Variants in PTPRD observed in about 807,000 individuals in gnomAD.
PTPRD encodes receptor-type tyrosine-protein phosphatase delta.
PTPRD carries 34 observed loss-of-function variants against 214.5 expected under a neutral mutation model. The observed-to-expected ratio is 0.16, with a 90% CI of 0.12 to 0.21. The LOEUF (loss-of-function observed/expected upper bound fraction) is 0.21. Ranked by LOEUF, PTPRD falls within the 10% of genes least tolerant of loss-of-function variation. PTPRD has a pLI of 1.00. For synonymous variants in PTPRD, 1,128 were observed against 845.7 expected (o/e 1.33, Z -5.79); for missense variants, 2,545 against 2,398.7 (o/e 1.06, Z -1.27).
intron 13 of PTPRD, among the ~76,000 whole-genome samples, chr9:8,634,426 A>G (rs1206789960): frequency 1.3e-5 from 2 of 152,002 alleles, no homozygotes; most frequent in Non-Finnish European, 1.5e-5. Flanking sequence ...CCTCATATAT[A>G]TATTTATGGG....
intron 5 of PTPRD, among the ~76,000 whole-genome samples, chr9:9,826,394 A>AT (rs201842090): frequency 1.3e-5 from 2 of 151,892 alleles, no homozygotes; most frequent in African/African-American, 4.8e-5. Flanking sequence ...CCTTTCAATT[A>AT]TTTAAAAAAA....
chr9:9,881,629 C>T (rs10115439), intron 5 of PTPRD, among the ~76,000 whole-genome samples: 13,248 of 152,062 alleles, frequency 0.087, 1,395 homozygotes, highest in African/African-American at 0.25. Context: ...GGGGGCATAG[C>T]AAAGAGCTGG....
chr9:9,865,770 G>C (rs1293814488), intron 5 of PTPRD, among the ~76,000 whole-genome samples: 2 of 152,122 alleles, frequency 1.3e-5, no homozygotes, highest in African/African-American at 4.8e-5. Flanking sequence ...GCTATCTTGG[G>C]TATTTATTAT....
intron 9 of PTPRD, among the ~76,000 whole-genome samples, chr9:9,207,619 G>T (rs1299170454): frequency 2.1e-4 from 32 of 152,102 alleles, no homozygotes. Flanking sequence ...ATGAAAAATG[G>T]TGCAATTACT....
intron 3 of PTPRD, among the ~76,000 whole-genome samples, chr9:10,185,007 C>T (rs2099322706): frequency 6.6e-6 from 1 of 152,094 alleles, no homozygotes; most frequent in Non-Finnish European, 1.5e-5. Context: ...TGTAAAAAAT[C>T]AGACACTCTA....
chr9:10,466,759 G>C (rs866418760), intron 2 of PTPRD, among the ~76,000 whole-genome samples: 5 of 151,710 alleles, frequency 3.3e-5, no homozygotes, highest in African/African-American at 1.2e-4. Flanking sequence ...TTTAAAAAAT[G>C]GTAAAGTAAG....
intron 12 of PTPRD, among the ~76,000 whole-genome samples, chr9:8,651,561 C>CT (rs1357831673): frequency 6.6e-6 from 1 of 152,134 alleles, no homozygotes; most frequent in African/African-American, 2.4e-5. Flanking sequence ...AGTTCTTTTG[C>CT]TTTTTTTCCT....
At chr9:8,866,768 A>G (rs977913117) in intron 11 of PTPRD, among the ~76,000 whole-genome samples, 3 of 103,402 alleles carry the variant, frequency 2.9e-5, no homozygotes, top group Admixed American at 2.3e-4. Context: ...GTTAAGAATC[A>G]TCTCATCAAG....
chr9:8,798,112 T>C (rs2096486289), intron 11 of PTPRD, among the ~76,000 whole-genome samples: 1 of 152,192 alleles, frequency 6.6e-6, no homozygotes. Flanking sequence ...CCTTTTTTAC[T>C]TCATTATATG....
chr9:9,019,292 GA>G (rs778773558), intron 10 of PTPRD, among the ~76,000 whole-genome samples: 1 of 32,582 alleles, frequency 3.1e-5, no homozygotes, highest in Non-Finnish European at 7.2e-5. Context: ...AAGAAAGAAA[GA>G]AAGAAAGAAA....
chr9:10,435,674 T>C (rs1397297295), intron 2 of PTPRD, among the ~76,000 whole-genome samples: 1 of 151,912 alleles, frequency 6.6e-6, no homozygotes, highest in Non-Finnish European at 1.5e-5. Context: ...GAAAAATGAA[T>C]ATCTGGATGA....
At position 8,485,997 on chromosome 9, in the gene PTPRD, T is replaced by C. The variant is rs749578078; in HGVS notation, c.2820A>G (p.Gln940=). ...CATTTCTCTCTGCCAGGACAGGTGG[T>C]TGCCAAGATAACTGGACGGAGGTTG... ...TTSTSVQLSW[Q]PPVLAERNGI... Residue 940 remains glutamine (Q), a synonymous_variant, in exon 28 of 46, where the codon CAA becomes CAG. Transcript: ENST00000381196. 7 of 1,614,064 alleles carry C rather than the reference T, an allele frequency of 4.3e-6. No individual in the cohort carries two copies. The South Asian group carries it at 7.7e-5, about 18-fold the overall frequency.
chr9:8,583,386 A>G (rs1225280855), intron 14 of PTPRD, among the ~76,000 whole-genome samples: 1 of 152,156 alleles, frequency 6.6e-6, no homozygotes, highest in Non-Finnish European at 1.5e-5. Context: ...GCATGTTGCC[A>G]TGTTGCCAGG....
At position 10,344,543 on chromosome 9, in the gene PTPRD, G is replaced by T. The variant is rs538132156; in HGVS notation, c.-599-3526C>A. On this transcript the variant is annotated intron_variant, in intron 2 of 45. Transcript: ENST00000381196. ...TTTTTGGTTTCATACAAACTTTAAA[G>T]TAGTTTTTTTCCAATTCTGTGAAGA... 2.6e-4 allele frequency among the ~76,000 whole-genome samples: 40 copies of T among 152,302 alleles called. 1 individual carries two copies. The highest frequency in any genetic ancestry group is 5.4e-4 in the Non-Finnish European group (37 of 68,024).
intron 11 of PTPRD, among the ~76,000 whole-genome samples, chr9:8,776,804 ATATATG>A (rs1279703896): frequency 6.8e-6 from 1 of 147,426 alleles, no homozygotes; most frequent in Non-Finnish European, 1.5e-5. Flanking sequence ...TATATATATT[ATATATG>A]TATAATATAT....
At chr9:10,219,926 C>A (rs2099559476) in intron 3 of PTPRD, among the ~76,000 whole-genome samples, 1 of 151,690 alleles carries the variant, frequency 6.6e-6, no homozygotes, top group Non-Finnish European at 1.5e-5. Flanking sequence ...AAAAGAGCTA[C>A]ATTGTTATAT....
intron 10 of PTPRD, among the ~76,000 whole-genome samples, chr9:9,049,728 C>T (rs2099681021): frequency 6.6e-6 from 1 of 152,108 alleles, no homozygotes. Flanking sequence ...AGTAGGAGAA[C>T]ATCTAATAAT....
intron 10 of PTPRD, among the ~76,000 whole-genome samples, chr9:9,129,111 C>T (rs189169769): frequency 4.2e-4 from 64 of 152,316 alleles, no homozygotes; most frequent in South Asian, 1.0e-3. Context: ...CGAATTAGGC[C>T]GGGCGCAGTG....
chr9:10,458,826 T>C (rs1292455346), intron 2 of PTPRD, among the ~76,000 whole-genome samples: 1 of 152,140 alleles, frequency 6.6e-6, no homozygotes, highest in Non-Finnish European at 1.5e-5. Context: ...AATAAATGAA[T>C]TCAATAAAGT....
Sources: gnomAD v4.1 joint callset for allele counts (sites outside exome capture counted in the v4.1 genomes callset) on GRCh38, gnomAD v4.1.1 for gene constraint, MANE v1.5 for transcripts, NCBI Gene and HGNC (gene_info 2026-07-23, HGNC 2026-07-21) for gene names.